Variants in DLG2 observed in about 807,000 individuals in gnomAD.
DLG2 encodes disks large homolog 2.
Under a neutral mutation model 132.5 loss-of-function variants are expected in DLG2, and 45 were observed. The ratio of observed to expected loss-of-function variants is 0.34; its 90% CI spans 0.27 to 0.44. The LOEUF (loss-of-function observed/expected upper bound fraction) is 0.44, where lower values mean the gene tolerates loss of function less well. Among genes scored for constraint, DLG2 ranks in the 20% least tolerant of loss-of-function variants. The pLI, the probability that DLG2 is intolerant of heterozygous loss-of-function variation, is 1.00. For synonymous variants in DLG2, 424 were observed against 419.6 expected (o/e 1.01, Z -0.13); for missense variants, 1,045 against 1,196.9 (o/e 0.87, Z 1.87).
At chr11:84,966,335 C>T (rs2053340511) in intron 6 of DLG2, among the ~76,000 whole-genome samples, 1 of 152,014 alleles carries the variant, frequency 6.6e-6, no homozygotes, top group Non-Finnish European at 1.5e-5. Context: ...TGGGCCAGAA[C>T]CCAGTAGCTT....
chr11:85,320,699 G>C (rs576849812), intron 3 of DLG2, among the ~76,000 whole-genome samples: 1 of 151,940 alleles, frequency 6.6e-6, no homozygotes, highest in South Asian at 2.1e-4. Flanking sequence ...TTGAAGAAAG[G>C]ATGAAGCAAG....
chr11:85,117,234 G>A (rs1253334077), intron 5 of DLG2, among the ~76,000 whole-genome samples: 1 of 151,982 alleles, frequency 6.6e-6, no homozygotes, highest in Non-Finnish European at 1.5e-5. Context: ...GGCCCAGAAG[G>A]GGAAACTTCC....
At chr11:83,845,481 C>A (rs1223530521) in intron 16 of DLG2, among the ~76,000 whole-genome samples, 8 of 152,116 alleles carry the variant, frequency 5.3e-5, no homozygotes. Flanking sequence ...ATCAGTCAAA[C>A]AGATTATTGG....
intron 6 of DLG2, among the ~76,000 whole-genome samples, chr11:84,658,995 C>G (rs368482397): frequency 6.6e-6 from 1 of 152,134 alleles, no homozygotes; most frequent in Non-Finnish European, 1.5e-5. Context: ...TCTGTTGGCG[C>G]CTTGATCTTG....
intron 6 of DLG2, among the ~76,000 whole-genome samples, chr11:85,014,755 T>C (rs1049254130): frequency 1.3e-5 from 2 of 152,188 alleles, no homozygotes; most frequent in African/African-American, 2.4e-5. Flanking sequence ...ACCCCAAACC[T>C]GTATTGGTTC....
At chr11:84,168,361 TCTC>T (rs1327273554) in intron 8 of DLG2, among the ~76,000 whole-genome samples, 1 of 152,236 alleles carries the variant, frequency 6.6e-6, no homozygotes, top group Non-Finnish European at 1.5e-5. Context: ...TTCTAATCCT[TCTC>T]CTTATTATAA....
intron 3 of DLG2, among the ~76,000 whole-genome samples, chr11:85,507,259 T>G (rs963048162): frequency 1.3e-5 from 2 of 152,196 alleles, no homozygotes; most frequent in African/African-American, 2.4e-5. Context: ...CATTATGATG[T>G]TAGCTGGTTA....
At chr11:83,508,900 A>G (rs2094872661) in intron 21 of DLG2, among the ~76,000 whole-genome samples, 1 of 152,250 alleles carries the variant, frequency 6.6e-6, no homozygotes, top group African/African-American at 2.4e-5. Context: ...GTTGCTGAGT[A>G]CACAGTAGTT....
intron 6 of DLG2, among the ~76,000 whole-genome samples, chr11:84,609,354 G>C (rs991471491): frequency 2.0e-5 from 3 of 152,124 alleles, no homozygotes; most frequent in Non-Finnish European, 4.4e-5. Flanking sequence ...TTGAGAAGTA[G>C]TAATAATAGT....
chr11:83,996,765 C>T (rs967442187), intron 11 of DLG2, among the ~76,000 whole-genome samples: 1 of 151,918 alleles, frequency 6.6e-6, no homozygotes, highest in Non-Finnish European at 1.5e-5. Context: ...ACCTAAAAAC[C>T]AAATCAATTG....
At chr11:83,651,571 C>T (rs2070459817) in intron 18 of DLG2, 1 of 203,308 alleles carries the variant, frequency 4.9e-6, no homozygotes, top group Non-Finnish European at 1.0e-5. Flanking sequence ...TAGCATAACT[C>T]TTTCACAGAT....
At chr11:84,956,206 A>C (rs1357532102) in intron 6 of DLG2, among the ~76,000 whole-genome samples, 1 of 152,214 alleles carries the variant, frequency 6.6e-6, no homozygotes, top group Non-Finnish European at 1.5e-5. Context: ...GCAATAACTC[A>C]AGCAAAGCAA....
chr11:84,603,780 C>A (rs191585923), intron 6 of DLG2, among the ~76,000 whole-genome samples: 29 of 152,076 alleles, frequency 1.9e-4, no homozygotes, highest in African/African-American at 7.0e-4. Flanking sequence ...TTATTGAACA[C>A]CTACTATCTG....
chr11:84,486,646 C>T (rs148882366), intron 7 of DLG2, among the ~76,000 whole-genome samples: 2 of 152,186 alleles, frequency 1.3e-5, no homozygotes, highest in Non-Finnish European at 2.9e-5. Flanking sequence ...AAAAGTCTTT[C>T]GAGCAAATGC....
At chr11:85,561,494 A>G (rs2077244844) in intron 3 of DLG2, among the ~76,000 whole-genome samples, 1 of 151,610 alleles carries the variant, frequency 6.6e-6, no homozygotes, top group African/African-American at 2.4e-5. Flanking sequence ...TTCAAATTAA[A>G]GCTTAAGCAA....
intron 10 of DLG2, among the ~76,000 whole-genome samples, chr11:84,066,619 C>A (rs550354550): frequency 6.6e-6 from 1 of 151,910 alleles, no homozygotes. Flanking sequence ...AAATTAGCCA[C>A]GCATGGTGGC....
chr11:85,412,904 T>G (rs934520467), intron 3 of DLG2, among the ~76,000 whole-genome samples: 1 of 151,682 alleles, frequency 6.6e-6, no homozygotes, highest in African/African-American at 2.4e-5. Flanking sequence ...GTATAATGAT[T>G]TATTTTCCTC....
intron 3 of DLG2, among the ~76,000 whole-genome samples, chr11:85,430,436 A>T (rs2091095356): frequency 6.6e-6 from 1 of 152,166 alleles, no homozygotes; most frequent in Non-Finnish European, 1.5e-5. Context: ...AAATTAGGAA[A>T]AAATCTAATT....
At chr11:85,365,228 T>C (rs181965472) in intron 3 of DLG2, among the ~76,000 whole-genome samples, 8 of 152,312 alleles carry the variant, frequency 5.3e-5, no homozygotes, top group African/African-American at 1.9e-4. Flanking sequence ...ATAGCATCCT[T>C]CTTTGTGCAG....
Sources: allele counts gnomAD v4.1 joint callset (sites outside exome capture counted in the v4.1 genomes callset), GRCh38; gene constraint gnomAD v4.1.1; transcripts MANE v1.5; gene names NCBI Gene and HGNC (gene_info 2026-07-23, HGNC 2026-07-21).